NLRP4: variants seen among roughly 807,000 people sequenced by gnomAD.
NLRP4 encodes NLR family pyrin domain containing 4, also known as NACHT, LRR and PYD domains-containing protein 4.
A neutral mutation model predicts 84.7 loss-of-function variants in NLRP4; 44 were observed. That is an observed-to-expected ratio of 0.52 (90% CI 0.41 to 0.67). The LOEUF (loss-of-function observed/expected upper bound fraction) is 0.67, where lower values mean the gene tolerates loss of function less well. Among genes scored for constraint, NLRP4 ranks in the 30% least tolerant of loss-of-function variants. NLRP4 has a pLI of 0.00. For missense variants in NLRP4, 1,260 were observed against 1,219.4 expected, an observed-to-expected ratio of 1.03 and a Z score of -0.50; for synonymous variants, 544 against 476.4, an observed-to-expected ratio of 1.14 and a Z score of -1.85.
At chr19:55,860,275 G>A (rs1327096195) in intron 3 of NLRP4, among the ~76,000 whole-genome samples, 5 of 152,102 alleles carry the variant, frequency 3.3e-5, no homozygotes, top group South Asian at 2.1e-4. Flanking sequence ...GTGAGCCACC[G>A]TGCCCGGCCA....
chr19:55,859,947 A>AC (rs1568666229), intron 3 of NLRP4, among the ~76,000 whole-genome samples: 2 of 120,906 alleles, frequency 1.7e-5, no homozygotes, highest in East Asian at 2.3e-4. Flanking sequence ...AAAAAAAAAA[A>AC]AAAAACAAAA....
chr19:55,849,778 GGTGTAATTTCCA>G (rs1568657740), intron 1 of NLRP4, among the ~76,000 whole-genome samples: 249 of 145,318 alleles, frequency 1.7e-3, no homozygotes, highest in African/African-American at 6.4e-3. Flanking sequence ...CTGTAGCTGC[GGTGTAATTTCCA>G]AAGCTGCGGT....
chr19:55,876,925 T>C, intron 7 of NLRP4, 71 bp from the exon 8 acceptor site: 2 of 1,288,806 alleles, frequency 1.6e-6, no homozygotes, highest in Non-Finnish European at 2.2e-6. Flanking sequence ...TGTCGTGCTT[T>C]GGTGTCTCTT....
intron 1 of NLRP4, among the ~76,000 whole-genome samples, chr19:55,841,634 A>G (rs1319897860): frequency 6.6e-6 from 1 of 152,126 alleles, no homozygotes; most frequent in East Asian, 1.9e-4. Context: ...AGGCCGAGGC[A>G]GGCAGATCAC....
intron 9 of NLRP4, among the ~76,000 whole-genome samples, chr19:55,881,064 A>AT (rs1985566020): frequency 6.6e-6 from 1 of 152,032 alleles, no homozygotes; most frequent in Non-Finnish European, 1.5e-5. Flanking sequence ...CATGCCTTCT[A>AT]TTACCAATTC....
At chr19:55,861,799 C>A (rs1984767689) in intron 4 of NLRP4, among the ~76,000 whole-genome samples, 193 bp from the exon 5 acceptor site, 1 of 152,076 alleles carries the variant, frequency 6.6e-6, no homozygotes, top group Non-Finnish European at 1.5e-5. Flanking sequence ...GTCCAGATAA[C>A]CAAAATAGTG....
chr19:55,871,608 G>A (rs897252706), intron 7 of NLRP4, among the ~76,000 whole-genome samples: 2 of 152,104 alleles, frequency 1.3e-5, no homozygotes, highest in Non-Finnish European at 2.9e-5. Flanking sequence ...AAATACAGAG[G>A]CTTCTGAAAT....
chr19:55,851,478 C>T (rs1176459726), intron 1 of NLRP4, among the ~76,000 whole-genome samples: 1 of 23,760 alleles, frequency 4.2e-5, no homozygotes, highest in Admixed American at 3.8e-4. Context: ...TCCGAGGCTG[C>T]GGTGTAATGT....
At position 55,858,196 on chromosome 19, in the gene NLRP4, A is replaced by G; in HGVS notation, c.803A>G (p.Lys268Arg). Residue 268 changes from lysine (K) to arginine (R), a missense_variant, in exon 3 of 10, where the codon AAG (lysine) becomes AGG (arginine). Coordinates refer to ENST00000301295, the MANE Select transcript of NLRP4 (RefSeq NM_134444.5). This position sits in a 1 kb window ranked among gnomAD's most constrained non-coding sequence, Gnocchi z 4.2. ...QVLLSSLLRK[K>R]MLPEASLLIA... is the part of the protein sequence containing the mutation. Reference sequence around the variant, plus strand: ...CTTCTGAGCAGTTTGCTGAGGAAGAAGATGCTCCCGGAGGCCTCCCTGCTC... The same window carrying G: ...CTTCTGAGCAGTTTGCTGAGGAAGAGGATGCTCCCGGAGGCCTCCCTGCTC... 1 of 1,614,184 alleles carries G rather than the reference A, an allele frequency of 6.2e-7. No homozygotes were observed.
At chr19:55,874,612 C>T (rs1170582153) in intron 7 of NLRP4, among the ~76,000 whole-genome samples, 3 of 152,100 alleles carry the variant, frequency 2.0e-5, no homozygotes, top group East Asian at 3.8e-4. Flanking sequence ...TCAGTCAAAT[C>T]TTTTTATATA....
chr19:55,870,960 G>T lies in NLRP4; in HGVS notation c.2488G>T (p.Ala830Ser), dbSNP rs1239849108. 6.2e-7 allele frequency: 1 copy of T among 1,614,188 alleles called. No homozygotes were observed. Residue 830 changes from alanine (A) to serine (S), a missense_variant, in exon 7 of 10, where the codon GCC becomes TCC. Ala to Ser is a moderately conservative substitution (Grantham distance 99). This residue lies in a region of NLRP4 where 544 missense variants were observed against 531.7 expected (regional missense o/e 1.02). Coordinates refer to ENST00000301295, the MANE Select transcript of NLRP4 (RefSeq NM_134444.5). ...CGAAGGACTGAAAACTCTCTGCGAG[G>T]CCTTGAAACATCCGGACTGCTGCCT... ...KDEGLKTLCEALKHPDCCLDS... is the reference protein window; with the variant it reads ...KDEGLKTLCESLKHPDCCLDS...
Position 55,878,975 on chromosome 19 carries a change from G to A in NLRP4, c.2867+11G>A. On this transcript the variant is annotated intron_variant, in intron 9 of 9. Transcript: ENST00000301295. ...CCTGCAGGTGCTCGGGTGAGCTGGG[G>A]TCTGTTGTGCTCTATGGGCAGAGTG... 1 of 1,609,754 alleles carries A rather than the reference G, an allele frequency of 6.2e-7. No individual in the cohort carries two copies. Among genetic ancestry groups the A allele is most frequent in the Non-Finnish European group, 8.5e-7 (1 of 1,176,804 alleles).
At chr19:55,843,851 C>T (rs1983700887) in intron 1 of NLRP4, among the ~76,000 whole-genome samples, 1 of 152,020 alleles carries the variant, frequency 6.6e-6, no homozygotes, top group South Asian at 2.1e-4. Context: ...CTCTTTTCTC[C>T]TTTTGGGGAG....
chr19:55,872,541 A>C (rs1397358268), intron 7 of NLRP4, among the ~76,000 whole-genome samples: 2 of 152,232 alleles, frequency 1.3e-5, no homozygotes, highest in Non-Finnish European at 2.9e-5. Flanking sequence ...ATGAGCAAAT[A>C]ATACAACTAG....
At chr19:55,854,958 C>T (rs773884959) in intron 2 of NLRP4, among the ~76,000 whole-genome samples, 6 of 152,126 alleles carry the variant, frequency 3.9e-5, no homozygotes, top group South Asian at 2.1e-4. Flanking sequence ...TGCTGACCTC[C>T]GGTGATCCGC....
At chr19:55,848,048 T>A (rs1197062366) in intron 1 of NLRP4, among the ~76,000 whole-genome samples, 1 of 152,066 alleles carries the variant, frequency 6.6e-6, no homozygotes, top group Non-Finnish European at 1.5e-5. Flanking sequence ...GGACCTCATC[T>A]AGGATCCCCC....
intron 6 of NLRP4, among the ~76,000 whole-genome samples, chr19:55,869,446 G>A (rs79223725): frequency 0.036 from 5,488 of 152,044 alleles, 224 homozygotes; most frequent in Middle Eastern, 0.13. Flanking sequence ...ATTGAGATCC[G>A]TGAGAGAAGC....
Position 55,858,035 on chromosome 19 carries a change from T to C in NLRP4, c.642T>C (p.Ala214=), listed in dbSNP as rs761786429. 2.5e-6 allele frequency: 4 copies of C among 1,614,126 alleles called. No individual in the cohort carries two copies. The highest frequency in any genetic ancestry group is 3.4e-6 in the Non-Finnish European group (4 of 1,180,020). ...LISREWPDPA[A]PITEIVSQPE... ...CCAGAGAGTGGCCTGACCCCGCTGCTCCTATAACAGAGATCGTGTCTCAAC... is the reference window on the plus strand; with the variant it reads ...CCAGAGAGTGGCCTGACCCCGCTGCCCCTATAACAGAGATCGTGTCTCAAC... Residue 214 remains alanine, a synonymous_variant, in exon 3 of 10, where the codon GCT becomes GCC. Transcript: ENST00000301295. The surrounding 1 kb of genome is among the most constrained non-coding windows in gnomAD (Gnocchi z 4.2).
intron 1 of NLRP4, among the ~76,000 whole-genome samples, chr19:55,841,388 T>A (rs1983607490): frequency 2.0e-5 from 3 of 152,240 alleles, no homozygotes. Flanking sequence ...ATGGTAGTTT[T>A]CTTTCTGTGC....
Sources: gnomAD v4.1 joint callset for allele counts (sites outside exome capture counted in the v4.1 genomes callset) on GRCh38, gnomAD v4.1.1 for gene constraint, gnomAD v4.1.1 regional missense constraint, Gnocchi (gnomAD v3.1) non-coding constraint, MANE v1.5 for transcripts, NCBI Gene and HGNC (gene_info 2026-07-23, HGNC 2026-07-21) for gene names.